LHFPL6: variants seen among roughly 807,000 people sequenced by gnomAD.
LHFPL6 encodes the protein LHFPL tetraspan subfamily member 6.
In LHFPL6, 9 loss-of-function variants were observed where a neutral mutation model predicts 20.6. That is an observed-to-expected ratio of 0.44 (90% CI 0.26 to 0.76). The LOEUF is 0.76. LHFPL6 is among the 30% of genes least tolerant of loss of function. LHFPL6 has a pLI of 0.20. For synonymous variants in LHFPL6, 105 were observed against 98.7 expected, an observed-to-expected ratio of 1.06 and a Z score of -0.38; for missense variants, 218 against 253.5, an observed-to-expected ratio of 0.86 and a Z score of 0.95.
At chr13:39,583,477 G>T (rs758338699) in intron 2 of LHFPL6, among the ~76,000 whole-genome samples, 7 of 152,072 alleles carry the variant, frequency 4.6e-5, no homozygotes, top group Admixed American at 2.0e-4. Flanking sequence ...ATACGGCTGG[G>T]TGCAAAACTC....
intron 2 of LHFPL6, among the ~76,000 whole-genome samples, chr13:39,476,576 A>C (rs1873088612): frequency 6.6e-6 from 1 of 152,224 alleles, no homozygotes; most frequent in South Asian, 2.1e-4. Context: ...GTAAGTAAAA[A>C]TGTTAATAAA....
At chr13:39,432,005 G>A (rs1336230509) in intron 2 of LHFPL6, among the ~76,000 whole-genome samples, 1 of 151,998 alleles carries the variant, frequency 6.6e-6, no homozygotes, top group Non-Finnish European at 1.5e-5. Flanking sequence ...TTAAATTAAG[G>A]GGGCTCCACC....
chr13:39,467,485 C>A (rs1037489763), intron 2 of LHFPL6, among the ~76,000 whole-genome samples: 3 of 152,094 alleles, frequency 2.0e-5, no homozygotes, highest in Non-Finnish European at 2.9e-5. Context: ...AAAGAAGCAG[C>A]CTCAAGGTCT....
At chr13:39,560,727 G>GGATGGTCTCTATCTCCT (rs1871451604) in intron 2 of LHFPL6, among the ~76,000 whole-genome samples, 1 of 152,056 alleles carries the variant, frequency 6.6e-6, no homozygotes, top group Non-Finnish European at 1.5e-5. Flanking sequence ...GTGTTAGCCA[G>GGATGGTCTCTATCTCCT]GATGGTCTCT....
chr13:39,545,038 C>A (rs113347999), intron 2 of LHFPL6, among the ~76,000 whole-genome samples: 1 of 151,438 alleles, frequency 6.6e-6, no homozygotes, highest in Non-Finnish European at 1.5e-5. Flanking sequence ...GTCAGGAGAT[C>A]GAGACCATCC....
chr13:39,378,388 T>A, intron 3 of LHFPL6, 40 bp downstream of exon 3: 2 of 1,530,922 alleles, frequency 1.3e-6, no homozygotes, highest in Non-Finnish European at 1.8e-6. Context: ...CAGATAAGGT[T>A]CTTTTTCTAA....
At chr13:39,384,653 A>G (rs772780475) in intron 2 of LHFPL6, among the ~76,000 whole-genome samples, 9 of 152,236 alleles carry the variant, frequency 5.9e-5, no homozygotes, top group Admixed American at 3.9e-4. Flanking sequence ...GTAATTGCCC[A>G]AATGATGTCT....
At chr13:39,526,156 C>T (rs146799193) in intron 2 of LHFPL6, among the ~76,000 whole-genome samples, 169 of 152,270 alleles carry the variant, frequency 1.1e-3, no homozygotes, top group African/African-American at 3.4e-3. Flanking sequence ...GACAGTAACC[C>T]TATATTGACT....
chr13:39,491,121 C>T (rs567198297), intron 2 of LHFPL6, among the ~76,000 whole-genome samples: 1 of 152,126 alleles, frequency 6.6e-6, no homozygotes, highest in African/African-American at 2.4e-5. Flanking sequence ...GTATAGAAAA[C>T]GAGAAACGTA....
chr13:39,424,446 T>G (rs1356467714), intron 2 of LHFPL6, among the ~76,000 whole-genome samples: 1 of 152,190 alleles, frequency 6.6e-6, no homozygotes, highest in Non-Finnish European at 1.5e-5. Context: ...TGTCAGCAAC[T>G]GCGCCAGGAG....
chr13:39,514,296 T>C (rs1665217341), intron 2 of LHFPL6, among the ~76,000 whole-genome samples: 1 of 152,052 alleles, frequency 6.6e-6, no homozygotes, highest in Admixed American at 6.6e-5. Flanking sequence ...AAGCTCTAAG[T>C]CCAAGGGTCT....
At chr13:39,525,015 C>G (rs571443620) in intron 2 of LHFPL6, among the ~76,000 whole-genome samples, 26 of 152,072 alleles carry the variant, frequency 1.7e-4, no homozygotes, top group Non-Finnish European at 3.2e-4. Flanking sequence ...AGAAAATAAG[C>G]TCATCTGACA....
At chr13:39,471,575 T>A (rs551997653) in intron 2 of LHFPL6, among the ~76,000 whole-genome samples, 2 of 152,244 alleles carry the variant, frequency 1.3e-5, no homozygotes, top group African/African-American at 4.8e-5. Context: ...CATACCTCTC[T>A]GTCTCCCAGT....
chr13:39,531,631 A>T (rs532731735), intron 2 of LHFPL6, among the ~76,000 whole-genome samples: 70 of 152,270 alleles, frequency 4.6e-4, no homozygotes, highest in African/African-American at 1.6e-3. Context: ...CTTCAGGTAG[A>T]TTCCTTCTAA....
intron 3 of LHFPL6, among the ~76,000 whole-genome samples, chr13:39,353,916 A>T (rs1429314694): frequency 6.6e-6 from 1 of 152,172 alleles, no homozygotes; most frequent in Non-Finnish European, 1.5e-5. Flanking sequence ...CTCCCTGCAC[A>T]GTATTCCCCA....
intron 2 of LHFPL6, among the ~76,000 whole-genome samples, chr13:39,550,558 A>G (rs182790676): frequency 1.2e-4 from 19 of 152,192 alleles, no homozygotes. Flanking sequence ...CAATCATAAT[A>G]CCTTTGAATT....
chr13:39,367,277 G>C (rs976294551), intron 3 of LHFPL6, among the ~76,000 whole-genome samples: 1 of 152,076 alleles, frequency 6.6e-6, no homozygotes, highest in Non-Finnish European at 1.5e-5. Flanking sequence ...TCCCTACCTG[G>C]ATGATGGTAT....
At chr13:39,365,774 G>C (rs1468144130) in intron 3 of LHFPL6, among the ~76,000 whole-genome samples, 2 of 152,114 alleles carry the variant, frequency 1.3e-5, no homozygotes, top group African/African-American at 2.4e-5. Context: ...ATGCAGCAAG[G>C]TTCCATGGCA....
chr13:39,444,621 G>A (rs1238661142), intron 2 of LHFPL6, among the ~76,000 whole-genome samples: 2 of 152,180 alleles, frequency 1.3e-5, no homozygotes, highest in African/African-American at 4.8e-5. Flanking sequence ...AGTGAGCTGA[G>A]GTGTGGCTTC....
Sources: allele counts gnomAD v4.1 joint callset (sites outside exome capture counted in the v4.1 genomes callset), GRCh38; gene constraint gnomAD v4.1.1; transcripts MANE v1.5; gene names NCBI Gene and HGNC (gene_info 2026-07-23, HGNC 2026-07-21).